TMED6: variants seen among roughly 807,000 people sequenced by gnomAD.
The protein encoded by TMED6 is transmembrane p24 trafficking protein 6.
In TMED6, 17 loss-of-function variants were observed where a neutral mutation model predicts 26.5. The ratio of observed to expected loss-of-function variants is 0.64; its 90% CI spans 0.44 to 0.96. The LOEUF (loss-of-function observed/expected upper bound fraction) is 0.96, where lower values mean the gene tolerates loss of function less well. Ranked by LOEUF, TMED6 falls within the 40% of genes least tolerant of loss-of-function variation. TMED6 has a pLI of 0.00. For missense variants in TMED6, 309 were observed against 296.5 expected (o/e 1.04, Z -0.31); for synonymous variants, 107 against 106.2 (o/e 1.01, Z -0.04).
Position 69,345,785 on chromosome 16 carries a change from T to C in TMED6, c.489+2003A>G, listed in dbSNP as rs74947589. Among the ~76,000 whole-genome samples, 850 of 141,556 alleles carry C rather than the reference T, an allele frequency of 6.0e-3. 44 individuals carry two copies. In the South Asian group the frequency reaches 0.13, roughly 21 times the overall value. 92.9% of individuals were successfully genotyped at this position (141,556 alleles called of 152,430 possible). ...CCTTGACATCCTGGGTTCAAGCAAT[T>C]CTACCTAAGCCTCCCGAGTGGCTGG... On this transcript the variant is annotated intron_variant, in intron 3 of 3. Transcript: ENST00000288025.
intron 3 of TMED6, 33 bp from the exon 4 acceptor site, chr16:69,343,673 C>T: frequency 1.3e-5 from 21 of 1,580,598 alleles, no homozygotes; most frequent in Non-Finnish European, 1.8e-5. Flanking sequence ...GGGGATTCTT[C>T]CAAACCCCCA....
chr16:69,349,158 C>T (rs2142683564), intron 2 of TMED6, among the ~76,000 whole-genome samples: 1 of 152,322 alleles, frequency 6.6e-6, no homozygotes, highest in East Asian at 1.9e-4. Context: ...TAGTAACTGA[C>T]TCAAATATTC....
At chr16:69,346,438 A>G (rs1157071349) in intron 3 of TMED6, among the ~76,000 whole-genome samples, 2 of 152,206 alleles carry the variant, frequency 1.3e-5, no homozygotes, top group African/African-American at 4.8e-5. Flanking sequence ...ATGCTACAAC[A>G]TGGATGAACG....
chr16:69,347,085 G>A (rs2012697960), intron 3 of TMED6, among the ~76,000 whole-genome samples: 1 of 152,160 alleles, frequency 6.6e-6, no homozygotes, highest in African/African-American at 2.4e-5. Flanking sequence ...GTAGAACAGT[G>A]ATAGGCAGGC....
intron 3 of TMED6, among the ~76,000 whole-genome samples, chr16:69,345,702 A>AG (rs1396662685): frequency 6.6e-6 from 1 of 151,746 alleles, no homozygotes; most frequent in East Asian, 1.9e-4. Context: ...AAAAAAAAAA[A>AG]AAAAGTAAAA....
chr16:69,348,054 G>A lies in TMED6; in HGVS notation c.341-118C>T, dbSNP rs906086972. 99 of 1,068,360 alleles carry A rather than the reference G, an allele frequency of 9.3e-5. No individual in the cohort carries two copies. In the Middle Eastern group the frequency reaches 1.1e-3, roughly 12 times the overall value. The allele number at this position is 1,068,360 out of a possible 1,614,324, so 66.2% of individuals were successfully genotyped here. A position where few individuals can be genotyped will look rare whatever the true frequency, so the allele number is the denominator to read the frequency against. On this transcript the variant is annotated intron_variant, in intron 2 of 3. Coordinates refer to ENST00000288025, the MANE Select transcript of TMED6 (RefSeq NM_144676.4). ...TACTACAGGACCTTCTTTTTACTTA[G>A]AAAGTACAAAGATCCCGTTTTTGAC...
rs982661531 is a variant in TMED6 at position 69,344,008 on chromosome 16, T to A, written c.490-368A>T. On this transcript the variant is annotated intron_variant, in intron 3 of 3. Transcript: ENST00000288025. ...TACACCCAGCTAATTTTTTTTTTTT[T>A]TTATTGTAGAGACAGGGTTTTGCCA... 4.6e-5 allele frequency among the ~76,000 whole-genome samples: 7 copies of A among 152,152 alleles called. No homozygotes were observed. The South Asian group carries it at 6.2e-4, about 14-fold the overall frequency.
At chr16:69,350,117 C>A (rs570416112) in intron 1 of TMED6, among the ~76,000 whole-genome samples, 1 of 151,712 alleles carries the variant, frequency 6.6e-6, no homozygotes, top group South Asian at 2.1e-4. Flanking sequence ...TTAAAAAATA[C>A]AAAAATTAGC....
chr16:69,347,649 C>T (rs904574852), intron 3 of TMED6, 139 bp downstream of exon 3: 13 of 1,277,592 alleles, frequency 1.0e-5, no homozygotes, highest in Admixed American at 2.0e-5. Context: ...CGTGAGCCAC[C>T]GTGCCCAGCC....
rs754261568 is a variant in TMED6, at chr16:69,349,557, C to T, written c.308G>A (p.Arg103Gln). 1.5e-5 allele frequency: 25 copies of T among 1,613,684 alleles called. No individual in the cohort carries two copies. Among genetic ancestry groups the T allele is most frequent in the South Asian group, 2.2e-5 (2 of 90,968 alleles). ...GFLIDTSQGV[R>Q]GQINFSTQET... is the part of the protein sequence containing the mutation. Reference sequence around the variant, plus strand: ...TTGGGTAGAGAAGTTAATCTGGCCCCGAACACCCTGGGAGGTGTCTATGAG... The same window carrying T: ...TTGGGTAGAGAAGTTAATCTGGCCCTGAACACCCTGGGAGGTGTCTATGAG... The change falls in exon 2 of 4, where the codon CGG becomes CAG. Residue 103 changes from arginine (R) to glutamine (Q), a missense_variant. Coordinates refer to ENST00000288025, the MANE Select transcript of TMED6 (RefSeq NM_144676.4).
chr16:69,348,906 C>T (rs1298664293), intron 2 of TMED6, among the ~76,000 whole-genome samples: 6 of 152,202 alleles, frequency 3.9e-5, no homozygotes, highest in African/African-American at 4.8e-5. Flanking sequence ...TGAGCCACCA[C>T]GCCCAGCCTG....
chr16:69,347,220 C>T (rs1366763374), intron 3 of TMED6, among the ~76,000 whole-genome samples: 1 of 152,182 alleles, frequency 6.6e-6, no homozygotes, highest in East Asian at 1.9e-4. Flanking sequence ...AAACCACTGA[C>T]TTACACACTT....
At chr16:69,350,771 T>G (rs2012763213) in intron 1 of TMED6, among the ~76,000 whole-genome samples, 1 of 152,228 alleles carries the variant, frequency 6.6e-6, no homozygotes, top group African/African-American at 2.4e-5. Flanking sequence ...TAGTGGCTGC[T>G]GTTCTAATAG....
chr16:69,351,757 G>A lies in TMED6; in HGVS notation c.-4C>T, dbSNP rs753354344. ...CCCCAAAGAGCAAAGGGGACATGCC[G>A]CTTTCTGGAGCCTCCTCTGCAGGTG... On this transcript the variant is annotated 5_prime_UTR_variant, in exon 1 of 4. Coordinates refer to ENST00000288025, the MANE Select transcript of TMED6 (RefSeq NM_144676.4). The A allele has an allele frequency of 6.2e-6, 10 of 1,610,958 alleles. No individual in the cohort carries two copies. Among genetic ancestry groups the A allele is most frequent in the Non-Finnish European group, 8.5e-6 (10 of 1,178,954 alleles).
chr16:69,343,400 C>T lies in TMED6; in HGVS notation c.*7G>A. On this transcript the variant is annotated 3_prime_UTR_variant, in exon 4 of 4. Coordinates refer to ENST00000288025, the MANE Select transcript of TMED6 (RefSeq NM_144676.4). ...GAAAACAGCCAGGGTGCTATAGTCA[C>T]CTTAGCTTAGCATCTTGGCTTCTTT... 6.2e-7 allele frequency: 1 copy of T among 1,612,736 alleles called. No individual in the cohort carries two copies. The highest frequency in any genetic ancestry group is 8.5e-7 in the Non-Finnish European group (1 of 1,178,990).
chr16:69,348,623 C>A (rs1305817498), intron 2 of TMED6, among the ~76,000 whole-genome samples: 1 of 145,218 alleles, frequency 6.9e-6, no homozygotes, highest in African/African-American at 2.5e-5. Flanking sequence ...TGTTCAAGAT[C>A]TTTTTTTTTT....
chr16:69,347,846 T>G lies in TMED6; in HGVS notation c.431A>C (p.Glu144Ala). The G allele has an allele frequency of 3.1e-6, 5 of 1,614,186 alleles. No individual in the cohort carries two copies. Among genetic ancestry groups the G allele is most frequent in the Non-Finnish European group, 4.2e-6 (5 of 1,180,026 alleles). ...LNFGVFYEGP[E>A]TDHKQKERKQ... is the part of the protein sequence containing the mutation. ...TCTTTCCTTCTGTTTGTGATCAGTCTCAGGCCCCTCATAGAAGACCCCAAA... is the reference window on the plus strand; with the variant it reads ...TCTTTCCTTCTGTTTGTGATCAGTCGCAGGCCCCTCATAGAAGACCCCAAA... The change falls in exon 3 of 4, where the codon GAG (glutamate) becomes GCG (alanine). Residue 144 changes from glutamate to alanine, a missense_variant. Physicochemically the swap from Glu to Ala is moderately radical, Grantham distance 107. Coordinates refer to ENST00000288025, the MANE Select transcript of TMED6 (RefSeq NM_144676.4).
At chr16:69,350,664 G>T (rs1439270106) in intron 1 of TMED6, among the ~76,000 whole-genome samples, 4 of 152,008 alleles carry the variant, frequency 2.6e-5, no homozygotes, top group Admixed American at 1.3e-4. Context: ...CCCAGATTTG[G>T]GCATTTGCTG....
At chr16:69,345,905 C>G (rs1357690841) in intron 3 of TMED6, among the ~76,000 whole-genome samples, 1 of 152,086 alleles carries the variant, frequency 6.6e-6, no homozygotes, top group Non-Finnish European at 1.5e-5. Flanking sequence ...TAGTCTCAAA[C>G]TCCTGGGCTC....
Sources: gnomAD v4.1 joint callset for allele counts (sites outside exome capture counted in the v4.1 genomes callset) on GRCh38, gnomAD v4.1.1 for gene constraint, MANE v1.5 for transcripts, NCBI Gene and HGNC (gene_info 2026-07-23, HGNC 2026-07-21) for gene names.